Variants in ZNF518B observed in about 807,000 individuals in gnomAD.
ZNF518B encodes the protein zinc finger protein 518B.
In ZNF518B, 23 loss-of-function variants were observed where a neutral mutation model predicts 56.3. The ratio of observed to expected loss-of-function variants is 0.41; its 90% CI spans 0.29 to 0.58. The LOEUF is 0.58. Ranked by LOEUF, ZNF518B falls within the 20% of genes least tolerant of loss-of-function variation. The pLI, the probability that ZNF518B is intolerant of heterozygous loss-of-function variation, is 0.32. For missense variants in ZNF518B, 1,460 were observed against 1,272.1 expected (o/e 1.15, Z -2.25); for synonymous variants, 529 against 465.9 (o/e 1.14, Z -1.74).
At position 10,444,303 on chromosome 4, in the gene ZNF518B, A is replaced by T; in HGVS notation, c.2026T>A (p.Cys676Ser). 1 of 1,614,212 alleles carries T rather than the reference A, an allele frequency of 6.2e-7. No homozygotes were observed. The highest frequency in any genetic ancestry group is 8.5e-7 in the Non-Finnish European group (1 of 1,180,030). The stretch of plus-strand genomic sequence containing the variant: ...GAAGCCAAAGATGACGGCTTCCCAC[A>T]GGACTCAATTAACTGAGCTATCTTT... ...RRKIAQLIES[C>S]GKPSSLASNS... is the part of the protein sequence containing the mutation. The change falls in exon 3 of 3, where the codon TGT becomes AGT. Residue 676 changes from cysteine to serine, a missense_variant. Cys to Ser is a moderately radical substitution (Grantham distance 112, BLOSUM62 -1). Coordinates refer to ENST00000326756, the MANE Select transcript of ZNF518B (RefSeq NM_053042.3).
Position 10,444,990 on chromosome 4 carries a change from C to T in ZNF518B, c.1339G>A (p.Val447Met). 1 of 1,614,136 alleles carries T rather than the reference C, an allele frequency of 6.2e-7. No homozygotes were observed. The highest frequency in any genetic ancestry group is 8.5e-7 in the Non-Finnish European group (1 of 1,180,030). The stretch of plus-strand genomic sequence containing the variant: ...ATGAAGGATTTTCCATTGTTGTGCA[C>T]ACTAGAATTTGGCATAATAAAATCA... ...SYDFIMPNSS[V>M]HNNGKSFINS... Residue 447 changes from valine to methionine, a missense_variant, in exon 3 of 3, where the codon GTG becomes ATG. Transcript: ENST00000326756.
At chr4:10,458,420 A>G (rs1446015688), upstream of ZNF518B, among the ~76,000 whole-genome samples, 1 of 152,220 alleles carries the variant, frequency 6.6e-6, no homozygotes, top group Non-Finnish European at 1.5e-5. Context: ...AGCGGCCAGT[A>G]TGCTGCACGG....
rs766351048 is a variant in ZNF518B, at chr4:10,443,936, A to G, written c.2393T>C (p.Val798Ala). ...HIIEATCEAP[V>A]SIPCSERQLI... ...CTGTCTTTCACTGCAAGGTATGCTG[A>G]CAGGTGCTTCACATGTAGCCTCTAT... The change falls in exon 3 of 3, where the codon GTC becomes GCC. Residue 798 changes from valine to alanine, a missense_variant. Physicochemically the swap from Val to Ala is moderately conservative, Grantham distance 64. Transcript: ENST00000326756. 36 of 1,614,090 alleles carry G rather than the reference A, an allele frequency of 2.2e-5. No homozygotes were observed. The highest frequency in any genetic ancestry group is 3.1e-5 in the Non-Finnish European group (36 of 1,180,038).
rs1714690564 is a variant in ZNF518B at position 10,441,747 on chromosome 4, A to C, written c.*1357T>G. 6.6e-6 allele frequency: 1 copy of C among 152,210 alleles called. No individual in the cohort carries two copies. Among genetic ancestry groups the C allele is most frequent in the Non-Finnish European group, 1.5e-5 (1 of 68,042 alleles). The allele number at this position is 152,210 out of a possible 1,614,324, so 9.4% of individuals were successfully genotyped here. A position where few individuals can be genotyped will look rare whatever the true frequency, so the allele number is the denominator to read the frequency against. ...TGTGCAGGGGGTGGGCCTTTTTCTAAAGAACACAAATGTGTAGATAAATGA... is the reference window on the plus strand; with the variant it reads ...TGTGCAGGGGGTGGGCCTTTTTCTACAGAACACAAATGTGTAGATAAATGA... On this transcript the variant is annotated 3_prime_UTR_variant, in exon 3 of 3. Coordinates refer to ENST00000326756, the MANE Select transcript of ZNF518B (RefSeq NM_053042.3).
intron 1 of ZNF518B, among the ~76,000 whole-genome samples, chr4:10,455,765 A>G (rs561771440): frequency 4.6e-5 from 7 of 152,360 alleles, no homozygotes; most frequent in Admixed American, 6.5e-5. Context: ...CAAACTGTCT[A>G]CGCAAAAAAG....
rs1200495441 is a variant in ZNF518B at position 10,442,627 on chromosome 4, G to A, written c.*477C>T. On this transcript the variant is annotated 3_prime_UTR_variant, in exon 3 of 3. Transcript: ENST00000326756. Reference sequence around the variant, plus strand: ...TAACCAAATTGAAGACAGTAAAGTAGAAAATATAATTTCCATTGTGCACCA... The same window carrying A: ...TAACCAAATTGAAGACAGTAAAGTAAAAAATATAATTTCCATTGTGCACCA... 1 of 156,004 alleles carries A rather than the reference G, an allele frequency of 6.4e-6. No homozygotes were observed. The highest frequency in any genetic ancestry group is 6.2e-5 in the Admixed American group (1 of 16,168). 9.7% of individuals were successfully genotyped at this position (156,004 alleles called of 1,614,324 possible).
upstream of ZNF518B, among the ~76,000 whole-genome samples, chr4:10,459,155 G>A (rs1418508785): frequency 2.0e-5 from 3 of 152,186 alleles, no homozygotes; most frequent in Admixed American, 6.5e-5. Context: ...CATTAAACAA[G>A]AGAAAGCAAG....
chr4:10,456,785 C>A (rs1387222476), intron 1 of ZNF518B, among the ~76,000 whole-genome samples: 2 of 152,180 alleles, frequency 1.3e-5, no homozygotes, highest in African/African-American at 4.8e-5. Context: ...AGCTCCGAGG[C>A]CCGCAGGAGG....
chr4:10,456,452 C>T (rs953152866), intron 1 of ZNF518B, among the ~76,000 whole-genome samples: 10 of 152,140 alleles, frequency 6.6e-5, no homozygotes, highest in Non-Finnish European at 1.0e-4. Flanking sequence ...ACAATGACAT[C>T]AGCATTTGGA....
At chr4:10,459,236 G>A (rs1438636872), upstream of ZNF518B, among the ~76,000 whole-genome samples, 1 of 152,212 alleles carries the variant, frequency 6.6e-6, no homozygotes, top group Non-Finnish European at 1.5e-5. Context: ...CAAATTCAGG[G>A]AGATGAAATG....
At chr4:10,458,514 C>T (rs1715640645), upstream of ZNF518B, among the ~76,000 whole-genome samples, 1 of 152,116 alleles carries the variant, frequency 6.6e-6, no homozygotes, top group Admixed American at 6.5e-5. Flanking sequence ...AGCAGCTGGG[C>T]AAAACCTCCA....
At chr4:10,448,774 G>A (rs541369549) in intron 2 of ZNF518B, among the ~76,000 whole-genome samples, 1 of 152,260 alleles carries the variant, frequency 6.6e-6, no homozygotes, top group Admixed American at 6.5e-5. Flanking sequence ...CATGGGCAAA[G>A]ATAAGGCCTT....
intron 2 of ZNF518B, chr4:10,452,459 C>T (rs957427731): frequency 2.6e-5 from 4 of 152,104 alleles, no homozygotes; most frequent in African/African-American, 9.7e-5. Flanking sequence ...AACAATTCTA[C>T]CCCAAAGTGC....
Position 10,443,886 on chromosome 4 carries a change from G to A in ZNF518B, c.2443C>T (p.Pro815Ser). 1.2e-6 allele frequency: 2 copies of A among 1,614,180 alleles called. No homozygotes were observed. Among genetic ancestry groups the A allele is most frequent in the Non-Finnish European group, 1.7e-6 (2 of 1,180,026 alleles). Reference protein sequence around the residue: ...RQLIKPVPFCPVRQADSDLQP... With the variant: ...RQLIKPVPFCSVRQADSDLQP... ...AAGTCTGAGTCCGCCTGTCTCACAG[G>A]GCAAAATGGAACTGGTTTTATTAAC... The change falls in exon 3 of 3, where the codon CCT becomes TCT. Residue 815 changes from proline (P) to serine (S), a missense_variant. Transcript: ENST00000326756.
chr4:10,456,432 G>A (rs1471651130), intron 1 of ZNF518B, among the ~76,000 whole-genome samples: 1 of 152,068 alleles, frequency 6.6e-6, no homozygotes, highest in African/African-American at 2.4e-5. Flanking sequence ...GGCCGGTATG[G>A]GGAGGTCCCA....
At chr4:10,455,676 G>A (rs564339568) in intron 1 of ZNF518B, among the ~76,000 whole-genome samples, 1 of 152,160 alleles carries the variant, frequency 6.6e-6, no homozygotes, top group Non-Finnish European at 1.5e-5. Flanking sequence ...ACATCAGAAA[G>A]GAGTCCCAAT....
At chr4:10,456,366 C>A (rs1715527279) in intron 1 of ZNF518B, among the ~76,000 whole-genome samples, 1 of 152,116 alleles carries the variant, frequency 6.6e-6, no homozygotes, top group Non-Finnish European at 1.5e-5. Context: ...TTGAACCCTG[C>A]AATTTCTTGG....
At position 10,443,398 on chromosome 4, in the gene ZNF518B, C is replaced by T. The variant is rs773538059; in HGVS notation, c.2931G>A (p.Glu977=). Residue 977 remains glutamate (E), a synonymous_variant, in exon 3 of 3, where the codon GAG becomes GAA. Transcript: ENST00000326756. ...TGATGCCTAGCTGACACCTAGTCCT[C>T]TCTGATAAAACAACTTTGAGGACAT... ...KGNVLKVVLS[E]RTRCQLGIRR... 2.5e-6 allele frequency: 4 copies of T among 1,614,096 alleles called. No homozygotes were observed. The highest frequency in any genetic ancestry group is 3.4e-6 in the Non-Finnish European group (4 of 1,180,042).
In ZNF518B at chr4:10,443,046, AG is replaced by A. The variant is rs1262796830; in HGVS notation, c.*57del. On this transcript the variant is annotated 3_prime_UTR_variant, in exon 3 of 3. Coordinates refer to ENST00000326756, the MANE Select transcript of ZNF518B (RefSeq NM_053042.3). ...TATTTCTTCTACTGAATCTTGGTGG[AG>A]GGACTCCAAACCAGAATAAACTAAA... is the stretch of plus-strand genomic sequence containing the variant. The A allele has an allele frequency of 5.6e-6, 8 of 1,439,282 alleles. No homozygotes were observed. In the African/African-American group the frequency reaches 1.0e-4, roughly 18 times the overall value. The allele number at this position is 1,439,282 out of a possible 1,614,324, so 89.2% of individuals were successfully genotyped here. A position where few individuals can be genotyped will look rare whatever the true frequency, so the allele number is the denominator to read the frequency against.
Sources: allele counts gnomAD v4.1 joint callset (sites outside exome capture counted in the v4.1 genomes callset), GRCh38; gene constraint gnomAD v4.1.1; transcripts MANE v1.5; gene names NCBI Gene and HGNC (gene_info 2026-07-23, HGNC 2026-07-21).